Variants in NEBL observed in about 807,000 individuals in gnomAD.
The protein encoded by NEBL is nebulette.
NEBL carries 122 observed loss-of-function variants against 140.2 expected under a neutral mutation model. The observed-to-expected ratio is 0.87, with a 90% CI of 0.75 to 1.01. The LOEUF is 1.01. Ranked by LOEUF, NEBL falls within the 50% of genes least tolerant of loss-of-function variation. The pLI, the probability that NEBL is intolerant of heterozygous loss-of-function variation, is 0.00. For synonymous variants in NEBL, 436 were observed against 398.9 expected (o/e 1.09, Z -1.11); for missense variants, 1,365 against 1,231.3 (o/e 1.11, Z -1.62).
At chr10:20,941,360 A>G (rs994726184) in intron 4 of NEBL, among the ~76,000 whole-genome samples, 1 of 152,256 alleles carries the variant, frequency 6.6e-6, no homozygotes, top group East Asian at 1.9e-4. Context: ...TAGATGCAGA[A>G]AAGGCCTTTG....
At chr10:21,049,346 C>T (rs1345767987) in intron 2 of NEBL, among the ~76,000 whole-genome samples, 1 of 152,148 alleles carries the variant, frequency 6.6e-6, no homozygotes, top group Non-Finnish European at 1.5e-5. Flanking sequence ...GTCTGGGGCC[C>T]GCTGCTTTGC....
At chr10:20,933,499 C>G (rs1170879230) in intron 4 of NEBL, among the ~76,000 whole-genome samples, 1 of 152,090 alleles carries the variant, frequency 6.6e-6, no homozygotes, top group Admixed American at 6.6e-5. Context: ...TTTGGGAGGA[C>G]AAGGCGGGTG....
intron 4 of NEBL, among the ~76,000 whole-genome samples, chr10:20,932,222 T>C (rs1183045814): frequency 1.3e-5 from 2 of 152,178 alleles, no homozygotes; most frequent in Non-Finnish European, 2.9e-5. Context: ...GTATACACCA[T>C]GGAATACTAT....
chr10:21,181,428 T>C (rs7095405), intron 3 of NEBL, among the ~76,000 whole-genome samples: 10,134 of 151,450 alleles, frequency 0.067, 613 homozygotes, highest in East Asian at 0.25. Context: ...AGCTATCATA[T>C]ACTGTCGGTA....
At chr10:21,107,742 G>A (rs1370891801) in intron 2 of NEBL, among the ~76,000 whole-genome samples, 13 of 152,118 alleles carry the variant, frequency 8.5e-5, no homozygotes, top group Admixed American at 7.9e-4. Flanking sequence ...TGGAAGGAAT[G>A]GTACCAGCTC....
intron 3 of NEBL, among the ~76,000 whole-genome samples, chr10:20,989,504 G>T (rs991203751): frequency 1.3e-5 from 2 of 152,112 alleles, no homozygotes; most frequent in Non-Finnish European, 2.9e-5. Context: ...TTTTTAGAAT[G>T]CAGTAATTTA....
chr10:20,795,905 TATAA>T (rs1259756651), intron 26 of NEBL, among the ~76,000 whole-genome samples: 1 of 152,208 alleles, frequency 6.6e-6, no homozygotes, highest in Middle Eastern at 3.2e-3. Context: ...CTTCCCCAAA[TATAA>T]ATAACCAGGT....
intron 2 of NEBL, among the ~76,000 whole-genome samples, chr10:20,896,483 C>CATATATAT (rs57289458): frequency 0.075 from 6,509 of 86,910 alleles, 748 homozygotes; most frequent in Non-Finnish European, 0.089. Flanking sequence ...ATATTATATG[C>CATATATAT]ATATATATAT....
intron 23 of NEBL, among the ~76,000 whole-genome samples, chr10:20,813,163 C>A (rs1399519353): frequency 2.0e-5 from 3 of 150,902 alleles, no homozygotes; most frequent in Admixed American, 6.6e-5. Context: ...TAGCTCATAT[C>A]TATTTTAAAT....
intron 3 of NEBL, among the ~76,000 whole-genome samples, chr10:21,208,445 C>G (rs1841864828): frequency 1.3e-5 from 2 of 152,108 alleles, no homozygotes; most frequent in Admixed American, 6.5e-5. Flanking sequence ...AGCAGGCTGA[C>G]CTCATGATTA....
intron 2 of NEBL, among the ~76,000 whole-genome samples, chr10:21,050,839 G>A (rs1173594925): frequency 6.6e-6 from 1 of 152,200 alleles, no homozygotes; most frequent in East Asian, 1.9e-4. Context: ...CCATTTGGCT[G>A]TAGGGGCTGT....
chr10:21,136,790 T>C (rs943765215), intron 2 of NEBL, among the ~76,000 whole-genome samples: 1 of 152,186 alleles, frequency 6.6e-6, no homozygotes, highest in East Asian at 1.9e-4. Flanking sequence ...TACATTGCAG[T>C]TTGCTGTTAG....
chr10:20,894,025 T>C (rs1847237791), intron 2 of NEBL, among the ~76,000 whole-genome samples: 1 of 152,198 alleles, frequency 6.6e-6, no homozygotes, highest in South Asian at 2.1e-4. Context: ...GCTCTACACG[T>C]GATCTAGACC....
At chr10:20,845,136 GA>G (rs1188686267) in intron 12 of NEBL, 121 bp downstream of exon 12, 34 of 641,124 alleles carry the variant, frequency 5.3e-5, no homozygotes, top group Middle Eastern at 4.2e-4. Context: ...AGATCAAAGT[GA>G]AAAAAAAGAG....
intron 2 of NEBL, chr10:21,170,398 A>G (rs1048590272): frequency 2.6e-5 from 4 of 152,212 alleles, no homozygotes; most frequent in Admixed American, 6.5e-5. Flanking sequence ...TGCCCACTGA[A>G]ACAGTTACAG....
intron 20 of NEBL, 151 bp downstream of exon 20, chr10:20,819,273 T>A: frequency 6.2e-6 from 8 of 1,283,378 alleles, no homozygotes; most frequent in Non-Finnish European, 8.7e-6. Flanking sequence ...TGTGTCCATG[T>A]ATTCTCATCA....
chr10:20,868,743 C>A lies in NEBL; in HGVS notation c.605G>T (p.Gly202Val), dbSNP rs776363482. ...TACAGCGGGCTCTTTATTCATTATT[C>A]CTTGTCCTTTCTTGTATTCTGCCTA... Reference protein sequence around the residue: ...ISNAEYKKGQGIMNKEPAVIG... With the variant: ...ISNAEYKKGQVIMNKEPAVIG... The change falls in exon 7 of 28, where the codon GGA becomes GTA. Residue 202 changes from glycine (G) to valine (V), a missense_variant. By Grantham distance (109) the Gly-to-Val change is moderately radical. Transcript: ENST00000377122. 6.2e-7 allele frequency: 1 copy of A among 1,610,034 alleles called. No homozygotes were observed. Among genetic ancestry groups the A allele is most frequent in the East Asian group, 2.2e-5 (1 of 44,778 alleles).
rs550901266 is a variant in NEBL, at chr10:20,818,936, C to T, written c.2055+488G>A. The T allele has an allele frequency of 5.5e-5, 53 of 966,834 alleles. No individual in the cohort carries two copies. The African/African-American group carries it at 5.8e-4, about 11-fold the overall frequency. The allele number at this position is 966,834 out of a possible 1,614,324, so 59.9% of individuals were successfully genotyped here. ...AGTTTTATTAAATCTGGAGATATTC[C>T]GTTTATCATCATCGTTATTATTGCA... On this transcript the variant is annotated intron_variant, in intron 20 of 27. Coordinates refer to ENST00000377122, the MANE Select transcript of NEBL (RefSeq NM_006393.3).
chr10:21,237,493 C>T (rs1438277969), intron 3 of NEBL, among the ~76,000 whole-genome samples: 7 of 152,180 alleles, frequency 4.6e-5, no homozygotes, highest in Non-Finnish European at 1.0e-4. Flanking sequence ...GCATGAGCCA[C>T]TGCGCCCTGC....
Sources: allele counts gnomAD v4.1 joint callset (sites outside exome capture counted in the v4.1 genomes callset), GRCh38; gene constraint gnomAD v4.1.1; transcripts MANE v1.5; gene names NCBI Gene and HGNC (gene_info 2026-07-23, HGNC 2026-07-21).